Variants in ILDR2 observed in about 807,000 individuals in gnomAD.
ILDR2 encodes the protein immunoglobulin-like domain-containing receptor 2.
Under a neutral mutation model 66.8 loss-of-function variants are expected in ILDR2, and 25 were observed. The observed-to-expected ratio is 0.37, with a 90% CI of 0.27 to 0.52. ILDR2 has a LOEUF of 0.52. Ranked by LOEUF, ILDR2 falls within the 20% of genes least tolerant of loss-of-function variation. ILDR2 has a pLI of 0.88. For missense variants in ILDR2, 827 were observed against 876.8 expected (o/e 0.94, Z 0.72); for synonymous variants, 367 against 357.2 (o/e 1.03, Z -0.31).
rs1469024569 is a variant in ILDR2 at position 166,975,446 on chromosome 1, C to G, written c.-178G>C. ...GGGGCCGGGGGCTGGATCGCGCCGCCGGCTGAGCGCGCGCTGCCGCGGGCT... is the reference window on the plus strand; with the variant it reads ...GGGGCCGGGGGCTGGATCGCGCCGCGGGCTGAGCGCGCGCTGCCGCGGGCT... On this transcript the variant is annotated 5_prime_UTR_variant, in exon 1 of 10. Coordinates refer to ENST00000271417, the MANE Select transcript of ILDR2 (RefSeq NM_199351.3). 1 of 152,678 alleles carries G rather than the reference C, an allele frequency of 6.5e-6. No individual in the cohort carries two copies. Among genetic ancestry groups the G allele is most frequent in the African/African-American group, 2.4e-5 (1 of 40,882 alleles). 9.5% of individuals were successfully genotyped at this position (152,678 alleles called of 1,614,324 possible). A position where few individuals can be genotyped will look rare whatever the true frequency, so the allele number is the denominator to read the frequency against.
rs879903525 is a variant in ILDR2 at position 166,917,440 on chromosome 1, CA to C, written c.*1914del. 1 of 152,128 alleles carries C rather than the reference CA, an allele frequency of 6.6e-6. No individual in the cohort carries two copies. The highest frequency in any genetic ancestry group is 1.5e-5 in the Non-Finnish European group (1 of 68,032). 9.4% of individuals were successfully genotyped at this position (152,128 alleles called of 1,614,324 possible). A position where few individuals can be genotyped will look rare whatever the true frequency, so the allele number is the denominator to read the frequency against. ...CCAGTAGGGTGGCTCTGGAGAAGAC[CA>C]AAAGGATGGTAAAGAAGAGATCTTC... is the stretch of plus-strand genomic sequence containing the variant. On this transcript the variant is annotated 3_prime_UTR_variant, in exon 10 of 10. Transcript: ENST00000271417.
At chr1:166,964,139 T>TAAA (rs71073632) in intron 1 of ILDR2, among the ~76,000 whole-genome samples, 7 of 142,102 alleles carry the variant, frequency 4.9e-5, no homozygotes, top group African/African-American at 1.8e-4. Flanking sequence ...AATCTAAAAA[T>TAAA]AAAAAAAAAA....
At position 166,917,025 on chromosome 1, in the gene ILDR2, T is replaced by A. The variant is rs751106694; in HGVS notation, c.*2330A>T. Reference sequence around the variant, plus strand: ...TATTCTCCAAAATTGCCTGAGCAAGTTGAAATCCAAAGCTGGTGACTAAGA... The same window carrying A: ...TATTCTCCAAAATTGCCTGAGCAAGATGAAATCCAAAGCTGGTGACTAAGA... On this transcript the variant is annotated 3_prime_UTR_variant, in exon 10 of 10. Coordinates refer to ENST00000271417, the MANE Select transcript of ILDR2 (RefSeq NM_199351.3). The A allele has an allele frequency of 7.2e-5, 11 of 152,254 alleles. No homozygotes were observed. The highest frequency in any genetic ancestry group is 1.0e-4 in the Non-Finnish European group (7 of 68,068). The allele number at this position is 152,254 out of a possible 1,614,324, so 9.4% of individuals were successfully genotyped here.
rs192259295 is a variant in ILDR2 at position 166,930,681 on chromosome 1, G to C, written c.881-3501C>G. ...CCAAGGATGAGATTTTCCTTTCTGA[G>C]CTGGCATTATGGATCAATCTTATAC... On this transcript the variant is annotated intron_variant, in intron 6 of 9. Coordinates refer to ENST00000271417, the MANE Select transcript of ILDR2 (RefSeq NM_199351.3). 7.2e-5 allele frequency among the ~76,000 whole-genome samples: 11 copies of C among 152,196 alleles called. No individual in the cohort carries two copies. In the East Asian group the frequency reaches 2.1e-3, roughly 29 times the overall value.
rs1207003777 is a variant in ILDR2 at position 166,909,717 on chromosome 1, A to G, written c.*9638T>C. 3 of 140,882 alleles carry G rather than the reference A, an allele frequency of 2.1e-5. No homozygotes were observed. Among genetic ancestry groups the G allele is most frequent in the Non-Finnish European group, 4.5e-5 (3 of 66,018 alleles). The allele number at this position is 140,882 out of a possible 1,614,324, so 8.7% of individuals were successfully genotyped here. On this transcript the variant is annotated 3_prime_UTR_variant, in exon 10 of 10. Transcript: ENST00000271417. The stretch of plus-strand genomic sequence containing the variant: ...AAGGTTAATAGAAATTGACATATAT[A>G]TGTGTGTGTGTATACATACATATAT...
chr1:166,947,773 G>A (rs1031713870), intron 3 of ILDR2, among the ~76,000 whole-genome samples: 12 of 152,186 alleles, frequency 7.9e-5, no homozygotes, highest in African/African-American at 2.2e-4. Context: ...ACCGCGGGCC[G>A]CCAGGAATGC....
At chr1:166,956,545 C>G (rs1260365648) in intron 3 of ILDR2, among the ~76,000 whole-genome samples, 188 bp downstream of exon 3, 4 of 152,002 alleles carry the variant, frequency 2.6e-5, no homozygotes, top group Non-Finnish European at 5.9e-5. Flanking sequence ...TCATAGCTTT[C>G]AAGAAGTAAG....
At chr1:166,972,263 T>A (rs1663350199) in intron 1 of ILDR2, among the ~76,000 whole-genome samples, 1 of 151,948 alleles carries the variant, frequency 6.6e-6, no homozygotes. Context: ...AAGCAATCTT[T>A]GTCATAGAGA....
chr1:166,935,594 G>T, intron 5 of ILDR2, 117 bp from the exon 6 acceptor site: 2 of 869,378 alleles, frequency 2.3e-6, no homozygotes, highest in Non-Finnish European at 3.4e-6. Flanking sequence ...ATGTGCATGT[G>T]TGAGCGTTTG....
Position 166,920,718 on chromosome 1 carries a change from C to G in ILDR2, c.1873G>C (p.Ala625Pro). Reference sequence around the variant, plus strand: ...AGACGCAGTCTCACGGTTTTCTTGGCGGGCTCCTTTTTCCTCTTCTTCTCC... The same window carrying G: ...AGACGCAGTCTCACGGTTTTCTTGGGGGGCTCCTTTTTCCTCTTCTTCTCC... ...NSEKKRKKEP[A>P]KKTNDFPTRM... Residue 625 changes from alanine (A) to proline (P), a missense_variant, in exon 9 of 10, where the codon GCC becomes CCC. Coordinates refer to ENST00000271417, the MANE Select transcript of ILDR2 (RefSeq NM_199351.3). 1 of 1,420,726 alleles carries G rather than the reference C, an allele frequency of 7.0e-7. No individual in the cohort carries two copies. The highest frequency in any genetic ancestry group is 9.2e-7 in the Non-Finnish European group (1 of 1,083,284). 88.0% of individuals were successfully genotyped at this position (1,420,726 alleles called of 1,614,324 possible). A position where few individuals can be genotyped will look rare whatever the true frequency, so the allele number is the denominator to read the frequency against.
chr1:166,902,744 G>A (rs759720214), intron 2 of ILDR2, among the ~76,000 whole-genome samples: 16 of 152,198 alleles, frequency 1.1e-4, no homozygotes, highest in Non-Finnish European at 1.9e-4. Context: ...GCTAATAAAT[G>A]TCCTTATTGT....
rs911044941 is a variant in ILDR2, at chr1:166,918,405, T to C, written c.*950A>G. 1.6e-4 allele frequency: 24 copies of C among 152,260 alleles called. 1 individual carries two copies. The highest frequency in any genetic ancestry group is 7.3e-5 in the Non-Finnish European group (5 of 68,036). The allele number at this position is 152,260 out of a possible 1,614,324, so 9.4% of individuals were successfully genotyped here. ...TAATGAGATGATGTTATTTCCCTTT[T>C]AAATTCCTTCTCATTCTTTTCTATA... On this transcript the variant is annotated 3_prime_UTR_variant, in exon 10 of 10. Transcript: ENST00000271417.
intron 3 of ILDR2, among the ~76,000 whole-genome samples, chr1:166,941,509 G>A (rs190264046): frequency 8.5e-5 from 13 of 152,192 alleles, no homozygotes; most frequent in South Asian, 2.1e-4. Context: ...AATATCTCTC[G>A]GAAACTCAAC....
chr1:166,962,775 A>T (rs1235463624), intron 1 of ILDR2, among the ~76,000 whole-genome samples: 1 of 152,240 alleles, frequency 6.6e-6, no homozygotes, highest in Non-Finnish European at 1.5e-5. Flanking sequence ...AAGAACAAGT[A>T]CTTCTTATGC....
chr1:166,926,708 T>C (rs979647116), intron 7 of ILDR2, among the ~76,000 whole-genome samples: 5 of 151,552 alleles, frequency 3.3e-5, no homozygotes, highest in South Asian at 2.1e-4. Flanking sequence ...CTTCTACTCC[T>C]TTTAAAATAT....
At chr1:166,946,708 G>A (rs1661633590) in intron 3 of ILDR2, among the ~76,000 whole-genome samples, 1 of 152,090 alleles carries the variant, frequency 6.6e-6, no homozygotes, top group African/African-American at 2.4e-5. Flanking sequence ...ACAACCAGGT[G>A]TACTCACCCC....
intron 3 of ILDR2, among the ~76,000 whole-genome samples, chr1:166,947,398 T>A (rs1181396731): frequency 6.6e-6 from 1 of 152,232 alleles, no homozygotes; most frequent in African/African-American, 2.4e-5. Flanking sequence ...TCAGAGTTCC[T>A]GCCCTTTCCT....
intron 2 of ILDR2, among the ~76,000 whole-genome samples, chr1:166,899,274 T>C (rs1224141043): frequency 6.6e-6 from 1 of 151,330 alleles, no homozygotes; most frequent in Non-Finnish European, 1.5e-5. Context: ...GCACCTGTAG[T>C]CCCAGCTACT....
rs1272156965 is a variant in ILDR2, at chr1:166,921,212, G to A, written c.1379C>T (p.Ser460Leu). The change falls in exon 9 of 10, where the codon TCG (serine) becomes TTG (leucine). Residue 460 changes from serine (S) to leucine (L), a missense_variant. By Grantham distance (145) the Ser-to-Leu change is moderately radical. This residue lies in a region of ILDR2 where 390 missense variants were observed against 353.6 expected (regional missense o/e 1.10). Coordinates refer to ENST00000271417, the MANE Select transcript of ILDR2 (RefSeq NM_199351.3). This position sits in a 1 kb window ranked among gnomAD's most constrained non-coding sequence, Gnocchi z 5.3. ...GAAGCCGCTGTGCGCCCGCGACTCC[G>A]AGCGCTCGAAGCGGCTCCCGCCCCG... ...EARGGSRFER[S>L]ESRAHSGFYQ... 2.5e-6 allele frequency: 4 copies of A among 1,589,454 alleles called. No homozygotes were observed. Among genetic ancestry groups the A allele is most frequent in the South Asian group, 1.1e-5 (1 of 89,280 alleles).
Sources: allele counts gnomAD v4.1 joint callset (sites outside exome capture counted in the v4.1 genomes callset), GRCh38; gene constraint gnomAD v4.1.1; regional missense constraint gnomAD v4.1.1; non-coding constraint Gnocchi (gnomAD v3.1); transcripts MANE v1.5; gene names NCBI Gene and HGNC (gene_info 2026-07-23, HGNC 2026-07-21).